Variants in ZDHHC11 observed in about 807,000 individuals in gnomAD.
The protein encoded by ZDHHC11 is zDHHC palmitoyltransferase 11.
Under a neutral mutation model 51.3 loss-of-function variants are expected in ZDHHC11, and 44 were observed. That is an observed-to-expected ratio of 0.86 (90% confidence interval 0.67 to 1.10). ZDHHC11 has a LOEUF of 1.10. ZDHHC11 is among the 50% of genes least tolerant of loss of function. The pLI is 0.00. For synonymous variants in ZDHHC11, 163 were observed against 222.0 expected (o/e 0.73, Z 2.36); for missense variants, 400 against 537.7 (o/e 0.74, Z 2.53).
intron 7 of ZDHHC11, among the ~76,000 whole-genome samples, chr5:827,086 G>A (rs1742397286): frequency 6.8e-6 from 1 of 146,086 alleles, no homozygotes; most frequent in African/African-American, 2.5e-5. Flanking sequence ...GCCTCTCCAA[G>A]CAAAATAATT....
intron 1 of ZDHHC11, among the ~76,000 whole-genome samples, chr5:849,195 G>T (rs1477902355): frequency 1.3e-5 from 2 of 152,182 alleles, no homozygotes; most frequent in Non-Finnish European, 2.9e-5. Context: ...TGTGCCAGTC[G>T]GGGACCGGGA....
At chr5:848,920 CAG>C (rs1746697962) in intron 1 of ZDHHC11, among the ~76,000 whole-genome samples, 2 of 150,620 alleles carry the variant, frequency 1.3e-5, no homozygotes, top group African/African-American at 4.9e-5. Flanking sequence ...CCTGCACAGC[CAG>C]CCCTGCACAG....
upstream of ZDHHC11, among the ~76,000 whole-genome samples, chr5:859,353 C>T (rs1748668956): frequency 6.6e-6 from 1 of 152,114 alleles, no homozygotes; most frequent in Admixed American, 6.5e-5. Flanking sequence ...ATCAGCCTGC[C>T]CAGCTACTCA....
chr5:821,844 TA>T lies in ZDHHC11; in HGVS notation c.1058+16del. The T allele has an allele frequency of 6.3e-7, 1 of 1,598,562 alleles. No homozygotes were observed. Reference sequence around the variant, plus strand: ...TTACTAATAGATAAAATAATCCCATTAAACTTACAAACTCACCCAAGTGCAG... The same window carrying T: ...TTACTAATAGATAAAATAATCCCATTAACTTACAAACTCACCCAAGTGCAG... On this transcript the variant is annotated intron_variant, in intron 9 of 12. Coordinates refer to ENST00000283441, the MANE Select transcript of ZDHHC11 (RefSeq NM_024786.3).
At chr5:854,950 A>G (rs1320676031), upstream of ZDHHC11, among the ~76,000 whole-genome samples, 2 of 144,296 alleles carry the variant, frequency 1.4e-5, no homozygotes, top group Non-Finnish European at 3.0e-5. Context: ...CACCAAGGAC[A>G]GTGAGCCGGG....
At chr5:799,916 A>C (rs1579514300) in intron 12 of ZDHHC11, among the ~76,000 whole-genome samples, 1 of 151,372 alleles carries the variant, frequency 6.6e-6, no homozygotes, top group Non-Finnish European at 1.5e-5. Flanking sequence ...CTTGTCTCCA[A>C]TTATGATTTT....
rs911321467 is a variant in ZDHHC11 at position 819,619 on chromosome 5, G to C, written c.1059-7C>G. 9 of 1,608,618 alleles carry C rather than the reference G, an allele frequency of 5.6e-6. 1 individual carries two copies. The highest frequency in any genetic ancestry group is 7.7e-6 in the Non-Finnish European group (9 of 1,175,784). ...GGAGTTCCTGGCCTTGGCTCTGGTG[G>C]GGCAAACAGAAGGAAAGAAACACAC... On this transcript the variant is annotated splice_polypyrimidine_tract_variant and splice_region_variant and intron_variant, in intron 9 of 12. Transcript: ENST00000283441.
intron 1 of ZDHHC11, among the ~76,000 whole-genome samples, chr5:856,904 ACAC>A (rs1296280651): frequency 6.6e-6 from 1 of 150,822 alleles, no homozygotes; most frequent in African/African-American, 2.4e-5. Context: ...ACACCAAACC[ACAC>A]ACCACACACA....
upstream of ZDHHC11, among the ~76,000 whole-genome samples, chr5:855,678 G>C (rs1250717569): frequency 6.9e-6 from 1 of 145,118 alleles, no homozygotes; most frequent in Admixed American, 6.9e-5. Context: ...CGGGGGGACA[G>C]ACCCCACGGA....
At chr5:819,373 C>T (rs537610779) in intron 10 of ZDHHC11, 152 bp downstream of exon 10, 266 of 773,156 alleles carry the variant, frequency 3.4e-4, no homozygotes, top group Middle Eastern at 9.5e-4. Context: ...CTCTTCTGTG[C>T]TCCACCCACC....
At chr5:840,228 C>T (rs1406969656) in intron 5 of ZDHHC11, 25 of 712,476 alleles carry the variant, frequency 3.5e-5, no homozygotes, top group Non-Finnish European at 5.1e-5. Context: ...CCTGGCACCA[C>T]TCCTGCAGGT....
At chr5:823,019 G>A (rs1383787742) in intron 8 of ZDHHC11, among the ~76,000 whole-genome samples, 3 of 149,224 alleles carry the variant, frequency 2.0e-5, no homozygotes, top group Non-Finnish European at 4.5e-5. Context: ...AGTTTTCATG[G>A]TTCTTTAAAT....
Position 819,573 on chromosome 5 carries a change from C to T in ZDHHC11, c.1098G>A (p.Leu366=), listed in dbSNP as rs377557805. ...ARNSRLICRR[L]CQFSTRVHPD... ...GGTGTACACGAGTGGAGAACTGACA[C>T]AGGCGCCTGCAAATCAGCCGGGAGT... The change falls in exon 10 of 13, where the codon CTG becomes CTA. Residue 366 remains leucine, a synonymous_variant. Transcript: ENST00000283441. The T allele has an allele frequency of 6.2e-6, 10 of 1,609,934 alleles. 1 individual carries two copies. The East Asian group carries it at 6.7e-5, about 11-fold the overall frequency.
In ZDHHC11 at chr5:816,438, G is replaced by A. The variant is rs536436934; in HGVS notation, c.1147-1643C>T. The stretch of plus-strand genomic sequence containing the variant: ...TCCAGCTGCGGGACAGGCAGTGGCC[G>A]TAGCGGCATGTGGATAAGTCGAAGA... On this transcript the variant is annotated intron_variant, in intron 10 of 12. Coordinates refer to ENST00000283441, the MANE Select transcript of ZDHHC11 (RefSeq NM_024786.3). 9 of 456,254 alleles carry A rather than the reference G, an allele frequency of 2.0e-5. 1 individual carries two copies. The highest frequency in any genetic ancestry group is 3.3e-5 in the South Asian group (2 of 60,148). The allele number at this position is 456,254 out of a possible 1,614,324, so 28.3% of individuals were successfully genotyped here.
Position 801,952 on chromosome 5 carries a change from T to G in ZDHHC11, c.1182-788A>C, listed in dbSNP as rs115188998. Among the ~76,000 whole-genome samples, 388 of 151,468 alleles carry G rather than the reference T, an allele frequency of 2.6e-3. 13 individuals are homozygous for G. Among genetic ancestry groups the G allele is most frequent in the African/African-American group, 8.0e-3 (329 of 41,278 alleles). On this transcript the variant is annotated intron_variant, in intron 11 of 12. Coordinates refer to ENST00000283441, the MANE Select transcript of ZDHHC11 (RefSeq NM_024786.3). ...TGTATCCATAAATGAGTAAGGACAT[T>G]ACATCAAAGAAAAGCAAGAGGGAAA...
intron 6 of ZDHHC11, among the ~76,000 whole-genome samples, chr5:836,438 CTG>C (rs1233812449): frequency 6.7e-6 from 1 of 150,338 alleles, no homozygotes; most frequent in East Asian, 1.9e-4. Context: ...TGATCTCTGC[CTG>C]TGTTTCCTGA....
At chr5:822,424 C>T (rs1465100571) in intron 8 of ZDHHC11, among the ~76,000 whole-genome samples, 1 of 151,524 alleles carries the variant, frequency 6.6e-6, no homozygotes, top group Non-Finnish European at 1.5e-5. Flanking sequence ...ACACCCCATC[C>T]ATGGTTCCTG....
chr5:809,347 T>C (rs1042421953), intron 11 of ZDHHC11, among the ~76,000 whole-genome samples: 1 of 141,924 alleles, frequency 7.0e-6, no homozygotes, highest in African/African-American at 2.8e-5. Context: ...TGTCCCCAGA[T>C]TCACAGGCTG....
chr5:819,217 T>C (rs1266616038), intron 10 of ZDHHC11, among the ~76,000 whole-genome samples: 2 of 151,624 alleles, frequency 1.3e-5, no homozygotes, highest in Admixed American at 1.3e-4. Flanking sequence ...CCTCACTGCA[T>C]GTTCTGGGCA....
Sources: gnomAD v4.1 joint callset for allele counts (sites outside exome capture counted in the v4.1 genomes callset) on GRCh38, gnomAD v4.1.1 for gene constraint, MANE v1.5 for transcripts, NCBI Gene and HGNC (gene_info 2026-07-23, HGNC 2026-07-21) for gene names.